VPS13A: variants seen among roughly 807,000 people sequenced by gnomAD.
The protein encoded by VPS13A is intermembrane lipid transfer protein VPS13A.
In VPS13A, 264 loss-of-function variants were observed where a neutral mutation model predicts 390.9. The ratio of observed to expected loss-of-function variants is 0.68; its 90% CI spans 0.61 to 0.75. The LOEUF (loss-of-function observed/expected upper bound fraction) is 0.75. VPS13A is among the 30% of genes least tolerant of loss of function. The pLI, the probability that VPS13A is intolerant of heterozygous loss-of-function variation, is 0.00. For synonymous variants in VPS13A, 1,231 were observed against 1,227.1 expected, an observed-to-expected ratio of 1.00 and a Z score of -0.07; for missense variants, 3,409 against 3,733.9, an observed-to-expected ratio of 0.91 and a Z score of 2.27.
At chr9:77,325,728 T>G (rs1829985153) in intron 45 of VPS13A, among the ~76,000 whole-genome samples, 1 of 152,146 alleles carries the variant, frequency 6.6e-6, no homozygotes, top group African/African-American at 2.4e-5. Context: ...TCAAGTAGTA[T>G]TTTGCCCCTT....
rs770376235 is a variant in VPS13A at position 77,273,268 on chromosome 9, C to G, written c.2428-12C>G. The G allele has an allele frequency of 2.5e-6, 4 of 1,600,584 alleles. No homozygotes were observed. In the South Asian group the frequency reaches 4.5e-5, roughly 18 times the overall value. ...TTTTGTGCTAATCAACATTGAATTA[C>G]TTTTCTTTCAGATTCAAACATCTAC... On this transcript the variant is annotated splice_polypyrimidine_tract_variant and intron_variant, in intron 23 of 71. Coordinates refer to ENST00000360280, the MANE Select transcript of VPS13A (RefSeq NM_033305.3).
chr9:77,335,280 G>T (rs1830478712), intron 46 of VPS13A, among the ~76,000 whole-genome samples: 2 of 152,162 alleles, frequency 1.3e-5, no homozygotes, highest in South Asian at 4.1e-4. Context: ...GATTAACCAT[G>T]TGACAACCAA....
chr9:77,407,486 T>G, intron 70 of VPS13A, 47 bp from the exon 71 acceptor site: 1 of 1,510,128 alleles, frequency 6.6e-7, no homozygotes, highest in Non-Finnish European at 9.2e-7. Flanking sequence ...TTATGGATTT[T>G]TACAACCAGA....
At chr9:77,377,451 C>A (rs937090045) in intron 67 of VPS13A, among the ~76,000 whole-genome samples, 1 of 152,016 alleles carries the variant, frequency 6.6e-6, no homozygotes, top group African/African-American at 2.4e-5. Flanking sequence ...GATCTCCTGA[C>A]CTCATGATCC....
rs761154574 is a variant in VPS13A at position 77,317,703 on chromosome 9, A to T, written c.4956+5A>T. The T allele has an allele frequency of 7.0e-6, 11 of 1,574,592 alleles. No homozygotes were observed. The highest frequency in any genetic ancestry group is 9.5e-6 in the Non-Finnish European group (11 of 1,155,510). On this transcript the variant is annotated splice_donor_5th_base_variant and intron_variant, in intron 40 of 71. Coordinates refer to ENST00000360280, the MANE Select transcript of VPS13A (RefSeq NM_033305.3). ...GTAAAATCCCTGACACTAAAGGTAA[A>T]TTAAAATATAATCATTTGAATATTT...
At chr9:77,229,986 C>T (rs1486367773) in intron 17 of VPS13A, among the ~76,000 whole-genome samples, 2 of 152,056 alleles carry the variant, frequency 1.3e-5, no homozygotes, top group Non-Finnish European at 2.9e-5. Flanking sequence ...TGGTATCTCA[C>T]TGTGGTTTTG....
rs2131347220 is a variant in VPS13A, at chr9:77,282,222, C to T, written c.3066C>T (p.Ala1022=). The T allele has an allele frequency of 6.2e-7, 1 of 1,613,454 alleles. No individual in the cohort carries two copies. Among genetic ancestry groups the T allele is most frequent in the Non-Finnish European group, 8.5e-7 (1 of 1,179,766 alleles). The stretch of plus-strand genomic sequence containing the variant: ...TTCCGCAATCAGAGGAAAAATCAGC[C>T]CCAGTGTCCACTACAGAGACTGAAG... The part of the protein sequence containing the change: ...NILPQSEEKS[A]PVSTTETEDK... Residue 1022 remains alanine, a synonymous_variant, in exon 29 of 72, where the codon GCC becomes GCT. Transcript: ENST00000360280.
chr9:77,419,946 A>T lies in VPS13A; in HGVS notation c.*3940A>T, dbSNP rs1297045382. On this transcript the variant is annotated 3_prime_UTR_variant, in exon 72 of 72. Transcript: ENST00000360280. Reference sequence around the variant, plus strand: ...TGCAAATATCAATGACTTTTTACTAAAAACAGTGGATTTCCTCATTTCTTT... The same window carrying T: ...TGCAAATATCAATGACTTTTTACTATAAACAGTGGATTTCCTCATTTCTTT... 6.6e-6 allele frequency: 1 copy of T among 152,004 alleles called. No individual in the cohort carries two copies. The highest frequency in any genetic ancestry group is 1.5e-5 in the Non-Finnish European group (1 of 68,038). The allele number at this position is 152,004 out of a possible 1,614,324, so 9.4% of individuals were successfully genotyped here.
chr9:77,370,632 C>T lies in VPS13A; in HGVS notation c.8907+54C>T. On this transcript the variant is annotated intron_variant, in intron 65 of 71. Coordinates refer to ENST00000360280, the MANE Select transcript of VPS13A (RefSeq NM_033305.3). Reference sequence around the variant, plus strand: ...TTTGGGAAATATCTTTTAAACAAACCTACATTTGCGAATAAGGAAATAGAC... The same window carrying T: ...TTTGGGAAATATCTTTTAAACAAACTTACATTTGCGAATAAGGAAATAGAC... 1.9e-6 allele frequency: 3 copies of T among 1,608,856 alleles called. No individual in the cohort carries two copies. The African/African-American group carries it at 4.0e-5, about 21-fold the overall frequency.
In VPS13A at chr9:77,318,604, T is replaced by C; in HGVS notation, c.5313+13T>C. On this transcript the variant is annotated intron_variant, in intron 41 of 71. Transcript: ENST00000360280. Reference sequence around the variant, plus strand: ...GCTTGAGCTAGAAGTAAGCATATTTTTCCAGTTTTATAACAGATAATGATA... The same window carrying C: ...GCTTGAGCTAGAAGTAAGCATATTTCTCCAGTTTTATAACAGATAATGATA... 2 of 1,593,416 alleles carry C rather than the reference T, an allele frequency of 1.3e-6. No homozygotes were observed. Among genetic ancestry groups the C allele is most frequent in the Non-Finnish European group, 1.7e-6 (2 of 1,161,452 alleles).
At chr9:77,274,883 C>T (rs1826554386) in intron 24 of VPS13A, among the ~76,000 whole-genome samples, 1 of 152,042 alleles carries the variant, frequency 6.6e-6, no homozygotes, top group South Asian at 2.1e-4. Context: ...CTGATTGTTT[C>T]ATTTAAACCT....
chr9:77,278,957 G>A (rs1240941040), intron 26 of VPS13A, among the ~76,000 whole-genome samples: 1 of 152,212 alleles, frequency 6.6e-6, no homozygotes, highest in African/African-American at 2.4e-5. Flanking sequence ...TGCAGAGGCT[G>A]TGGGGAGTGC....
intron 19 of VPS13A, among the ~76,000 whole-genome samples, chr9:77,246,454 C>T (rs1356005396): frequency 1.3e-5 from 2 of 148,206 alleles, no homozygotes; most frequent in Admixed American, 6.7e-5. Context: ...AATATACTGA[C>T]CTGCCTACAT....
At chr9:77,364,034 A>G (rs1832299237) in intron 59 of VPS13A, among the ~76,000 whole-genome samples, 2 of 152,064 alleles carry the variant, frequency 1.3e-5, no homozygotes, top group Admixed American at 1.3e-4. Context: ...TGGAACCACC[A>G]CATTACAGGC....
chr9:77,319,320 ATATGCCT>A (rs2131443156), intron 41 of VPS13A, among the ~76,000 whole-genome samples: 1 of 152,124 alleles, frequency 6.6e-6, no homozygotes, highest in East Asian at 1.9e-4. Context: ...AATTAGAAAT[ATATGCCT>A]TATACTTTTA....
At chr9:77,209,726 T>G (rs1433142840) in intron 6 of VPS13A, among the ~76,000 whole-genome samples, 194 bp downstream of exon 6, 3 of 152,168 alleles carry the variant, frequency 2.0e-5, no homozygotes, top group African/African-American at 7.2e-5. Flanking sequence ...ATTTTACACT[T>G]TCCCAAAATG....
chr9:77,405,845 T>C lies in VPS13A; in HGVS notation c.9276-19T>C, dbSNP rs758300651. On this transcript the variant is annotated intron_variant, in intron 69 of 71. Coordinates refer to ENST00000360280, the MANE Select transcript of VPS13A (RefSeq NM_033305.3). ...CCTCAATTTTAAAGCGAATTCTTTT[T>C]TTGTTTTTCTTTTTGCAGTGGTGTA... 2 of 1,611,994 alleles carry C rather than the reference T, an allele frequency of 1.2e-6. No homozygotes were observed. Among genetic ancestry groups the C allele is most frequent in the Non-Finnish European group, 1.7e-6 (2 of 1,179,496 alleles).
intron 26 of VPS13A, among the ~76,000 whole-genome samples, chr9:77,279,241 G>T (rs940717355): frequency 6.6e-6 from 1 of 152,138 alleles, no homozygotes; most frequent in Admixed American, 6.5e-5. Context: ...TCAGCAAGAC[G>T]GATGGAGAGC....
intron 46 of VPS13A, among the ~76,000 whole-genome samples, chr9:77,334,620 T>C (rs570904179): frequency 7.5e-4 from 114 of 152,340 alleles, no homozygotes; most frequent in African/African-American, 2.6e-3. Context: ...GCAGTAGTTA[T>C]CTTTTAACAT....
Sources: gnomAD v4.1 joint callset for allele counts (sites outside exome capture counted in the v4.1 genomes callset) on GRCh38, gnomAD v4.1.1 for gene constraint, MANE v1.5 for transcripts, NCBI Gene and HGNC (gene_info 2026-07-23, HGNC 2026-07-21) for gene names.